EAPP: variants seen among roughly 807,000 people sequenced by gnomAD.
The protein encoded by EAPP is E2F-associated phosphoprotein.
In EAPP, 38 loss-of-function variants were observed where a neutral mutation model predicts 34.3. That is an observed-to-expected ratio of 1.11 (90% CI 0.85 to 1.45). EAPP has a LOEUF of 1.45. EAPP is among the 40% of genes most tolerant of loss of function. EAPP has a pLI of 0.00. For synonymous variants in EAPP, 113 were observed against 117.6 expected, an observed-to-expected ratio of 0.96 and a Z score of 0.25; for missense variants, 338 against 343.7, an observed-to-expected ratio of 0.98 and a Z score of 0.13.
chr14:34,517,501 G>A (rs968154102), intron 5 of EAPP, among the ~76,000 whole-genome samples: 19 of 151,848 alleles, frequency 1.3e-4, no homozygotes, highest in African/African-American at 1.4e-4. Context: ...TGTCCACCTC[G>A]GCCTCCTAAA....
chr14:34,526,639 A>G (rs1383955235), intron 4 of EAPP, among the ~76,000 whole-genome samples: 1 of 151,856 alleles, frequency 6.6e-6, no homozygotes, highest in Non-Finnish European at 1.5e-5. Flanking sequence ...TAATCCCAGC[A>G]CTTAAGGAGG....
At chr14:34,518,899 G>A (rs1348328317) in intron 5 of EAPP, among the ~76,000 whole-genome samples, 2 of 152,134 alleles carry the variant, frequency 1.3e-5, no homozygotes, top group Non-Finnish European at 1.5e-5. Context: ...ATATAGTTGA[G>A]TCTTGTTTGT....
rs1468700653 is a variant in EAPP at position 34,525,786 on chromosome 14, G to A, written c.471-979C>T. On this transcript the variant is annotated intron_variant, in intron 4 of 5. Transcript: ENST00000250454. ...TGTAATCCCAGCACTTTGGGAGGCCGAGGCGGGCGGATCACGAAGTCAAGA... is the reference window on the plus strand; with the variant it reads ...TGTAATCCCAGCACTTTGGGAGGCCAAGGCGGGCGGATCACGAAGTCAAGA... 5.9e-5 allele frequency among the ~76,000 whole-genome samples: 9 copies of A among 152,092 alleles called. No homozygotes were observed. In the East Asian group the frequency reaches 9.6e-4, roughly 16 times the overall value.
At chr14:34,528,233 G>A (rs760004844) in intron 4 of EAPP, among the ~76,000 whole-genome samples, 7 of 151,438 alleles carry the variant, frequency 4.6e-5, no homozygotes, top group Non-Finnish European at 7.4e-5. Context: ...ATGGGGTTTC[G>A]CCATGTTGGC....
chr14:34,530,904 C>CAAAAAAAAAAAAAAAAA (rs780101001), intron 3 of EAPP, among the ~76,000 whole-genome samples: 4 of 55,188 alleles, frequency 7.2e-5, no homozygotes, highest in East Asian at 1.5e-3. Flanking sequence ...CAATCTTTAC[C>CAAAAAAAAAAAAAAAAA]AAAAAAAAAA....
chr14:34,531,966 C>T (rs1025061841), intron 3 of EAPP, among the ~76,000 whole-genome samples: 1 of 151,204 alleles, frequency 6.6e-6, no homozygotes, highest in South Asian at 2.1e-4. Context: ...GTCCCAGCTA[C>T]TCGGGAGGCT....
At chr14:34,517,297 G>A (rs370597005) in intron 5 of EAPP, among the ~76,000 whole-genome samples, 2 of 143,282 alleles carry the variant, frequency 1.4e-5, no homozygotes, top group African/African-American at 5.2e-5. Context: ...TGTCCAGGCT[G>A]GAGTGCAATG....
intron 4 of EAPP, among the ~76,000 whole-genome samples, chr14:34,527,993 T>C (rs1175043058): frequency 1.3e-5 from 2 of 152,142 alleles, no homozygotes; most frequent in African/African-American, 4.8e-5. Flanking sequence ...TAACTGCTCC[T>C]TGCAGAGCAG....
intron 4 of EAPP, among the ~76,000 whole-genome samples, chr14:34,525,152 A>C (rs963183901): frequency 6.6e-6 from 1 of 152,142 alleles, no homozygotes; most frequent in Non-Finnish European, 1.5e-5. Context: ...GTACTGAATA[A>C]ATAAATAAAT....
At chr14:34,532,674 C>CTTT (rs1382526657) in intron 3 of EAPP, among the ~76,000 whole-genome samples, 4 of 136,068 alleles carry the variant, frequency 2.9e-5, no homozygotes, top group African/African-American at 8.1e-5. Context: ...GTGTCCCCAG[C>CTTT]TTTTTTTTTT....
intron 4 of EAPP, among the ~76,000 whole-genome samples, chr14:34,525,757 C>T (rs531931185): frequency 9.9e-5 from 15 of 152,278 alleles, no homozygotes; most frequent in African/African-American, 3.4e-4. Flanking sequence ...CGGTGGCTCA[C>T]GCCTGTAATC....
At chr14:34,537,765 G>A (rs1002733165) in intron 1 of EAPP, among the ~76,000 whole-genome samples, 1 of 152,222 alleles carries the variant, frequency 6.6e-6, no homozygotes, top group African/African-American at 2.4e-5. Context: ...ACAAGCAAGA[G>A]CAAGCCACAC....
intron 3 of EAPP, among the ~76,000 whole-genome samples, chr14:34,529,942 G>C (rs1880227884): frequency 6.6e-6 from 1 of 152,206 alleles, no homozygotes; most frequent in African/African-American, 2.4e-5. Flanking sequence ...CTTGAACCCA[G>C]GAGGCAGAGG....
chr14:34,533,582 A>G, intron 2 of EAPP, 43 bp from the exon 3 acceptor site: 1 of 1,348,560 alleles, frequency 7.4e-7, no homozygotes, highest in Non-Finnish European at 1.0e-6. Flanking sequence ...AATCATACAT[A>G]ATTCACAAGG....
At chr14:34,539,273 C>A (rs1371728094) in intron 1 of EAPP, 1 of 624,176 alleles carries the variant, frequency 1.6e-6, no homozygotes, top group Non-Finnish European at 3.0e-6. Context: ...CACTCTGCTA[C>A]TAAGGTGTAG....
intron 5 of EAPP, among the ~76,000 whole-genome samples, chr14:34,522,332 C>T (rs1879945523): frequency 6.6e-6 from 1 of 152,092 alleles, no homozygotes; most frequent in African/African-American, 2.4e-5. Flanking sequence ...TCTTGGAGAT[C>T]ACTCAGTTTT....
At position 34,529,374 on chromosome 14, in the gene EAPP, CA is replaced by C. The variant is rs1173963140; in HGVS notation, c.453del (p.Asp152MetfsTer28). 1 of 1,608,660 alleles carries C rather than the reference CA, an allele frequency of 6.2e-7. No homozygotes were observed. On this transcript the variant is annotated frameshift_variant, in exon 4 of 6. Coordinates refer to ENST00000250454, the MANE Select transcript of EAPP (RefSeq NM_018453.4). LOFTEE classifies it high-confidence loss of function. ...AGTTCTTACCCCCTTCTCTGTGCAT[CA>C]ACCCAGGCCTGATCTCTGTTATCTT... ...PEKDNRDQAW[V>X]DAQRRGYHGL...
At chr14:34,521,638 T>TC (rs1229532482) in intron 5 of EAPP, among the ~76,000 whole-genome samples, 5 of 149,244 alleles carry the variant, frequency 3.4e-5, no homozygotes, top group East Asian at 3.9e-4. Context: ...CAGATTTCTT[T>TC]TTTTTTTTTT....
chr14:34,525,410 T>C lies in EAPP; in HGVS notation c.471-603A>G, dbSNP rs1880062297. ...AACTCAGGTTGGTAGTATGTACTCT[T>C]GATATAATGTGAGGAAAATGGCTCT... On this transcript the variant is annotated intron_variant, in intron 4 of 5. Transcript: ENST00000250454. Among the ~76,000 whole-genome samples the C allele has an allele frequency of 2.0e-5, 3 of 152,162 alleles. No individual in the cohort carries two copies. In the South Asian group the frequency reaches 6.2e-4, roughly 32 times the overall value.
Sources: allele counts gnomAD v4.1 joint callset (sites outside exome capture counted in the v4.1 genomes callset), GRCh38; gene constraint gnomAD v4.1.1; transcripts MANE v1.5; gene names NCBI Gene and HGNC (gene_info 2026-07-23, HGNC 2026-07-21).